ATG10: variants seen among roughly 807,000 people sequenced by gnomAD.
The protein encoded by ATG10 is autophagy related 10.
Under a neutral mutation model 32.1 loss-of-function variants are expected in ATG10, and 30 were observed. The ratio of observed to expected loss-of-function variants is 0.94; its 90% CI spans 0.70 to 1.27. The LOEUF is 1.27. Ranked by LOEUF, ATG10 falls within the 50% of genes most tolerant of loss-of-function variation. The pLI is 0.00. For synonymous variants in ATG10, 87 were observed against 91.5 expected (o/e 0.95, Z 0.28); for missense variants, 233 against 262.3 (o/e 0.89, Z 0.77).
intron 3 of ATG10, among the ~76,000 whole-genome samples, chr5:82,131,633 T>C (rs549823604): frequency 2.2e-5 from 2 of 92,944 alleles, no homozygotes; most frequent in Non-Finnish European, 4.2e-5. Flanking sequence ...ATATGTAGTT[T>C]TATTCTACTT....
At chr5:82,104,685 C>T (rs1765391254) in intron 3 of ATG10, among the ~76,000 whole-genome samples, 1 of 151,974 alleles carries the variant, frequency 6.6e-6, no homozygotes, top group African/African-American at 2.4e-5. Flanking sequence ...TTTTCTTAAA[C>T]ACCATTATTT....
intron 5 of ATG10, among the ~76,000 whole-genome samples, chr5:82,214,617 A>G (rs1745607162): frequency 6.6e-6 from 1 of 152,228 alleles, no homozygotes; most frequent in Non-Finnish European, 1.5e-5. Flanking sequence ...CTACCTGTAT[A>G]TGATTGGGAT....
intron 2 of ATG10, among the ~76,000 whole-genome samples, chr5:82,022,419 C>T (rs1231484733): frequency 1.3e-5 from 2 of 150,250 alleles, no homozygotes; most frequent in Non-Finnish European, 3.0e-5. Context: ...GCCTCCACCT[C>T]CCAGGTTCAA....
At chr5:81,992,418 T>C (rs934505137) in intron 2 of ATG10, 2 of 151,998 alleles carry the variant, frequency 1.3e-5, no homozygotes, top group Non-Finnish European at 2.9e-5. Context: ...TAAATTTTTT[T>C]TTTTTGAGAC....
intron 5 of ATG10, among the ~76,000 whole-genome samples, chr5:82,179,601 G>A (rs549184581): frequency 6.6e-6 from 1 of 152,196 alleles, no homozygotes; most frequent in South Asian, 2.1e-4. Context: ...AGTCATTACT[G>A]CCTTGCTAAA....
At chr5:82,012,854 C>T (rs1762164439) in intron 2 of ATG10, among the ~76,000 whole-genome samples, 1 of 152,054 alleles carries the variant, frequency 6.6e-6, no homozygotes, top group African/African-American at 2.4e-5. Context: ...GACAGGGTTT[C>T]ACCATGATGG....
At chr5:82,164,376 GT>G in intron 3 of ATG10, 22 bp from the exon 4 acceptor site, 1 of 1,610,836 alleles carries the variant, frequency 6.2e-7, no homozygotes, top group Non-Finnish European at 8.5e-7. Context: ...ACCCGTTTTC[GT>G]TTTGTTTTTG....
intron 3 of ATG10, among the ~76,000 whole-genome samples, chr5:82,092,999 C>T (rs185594521): frequency 1.5e-4 from 23 of 152,224 alleles, no homozygotes; most frequent in African/African-American, 4.6e-4. Context: ...CTCAAGATCC[C>T]GATAAATTAG....
At chr5:81,981,704 A>G (rs1761052299) in intron 1 of ATG10, among the ~76,000 whole-genome samples, 1 of 152,356 alleles carries the variant, frequency 6.6e-6, no homozygotes, top group East Asian at 1.9e-4. Flanking sequence ...TATTTCTTAT[A>G]GTGTTTTAGT....
intron 3 of ATG10, among the ~76,000 whole-genome samples, chr5:82,120,949 G>C (rs1766017625): frequency 6.6e-6 from 1 of 152,110 alleles, no homozygotes; most frequent in Admixed American, 6.5e-5. Context: ...GCATTTATTT[G>C]AAAATCCTTT....
At position 81,993,370 on chromosome 5, in the gene ATG10, T is replaced by TTCC. The variant is rs1554039352; in HGVS notation, c.108+5693_108+5694insCCT. Reference sequence around the variant, plus strand: ...TTCTTTCTTTCTTTCCTTCTTTTCTTTTCTTTTCTTTTCTTTTCTTTTTTT... The same window carrying TTCC: ...TTCTTTCTTTCTTTCCTTCTTTTCTTTCCTTCTTTTCTTTTCTTTTCTTTTTTT... On this transcript the variant is annotated intron_variant, in intron 2 of 7. Coordinates refer to ENST00000282185, the MANE Select transcript of ATG10 (RefSeq NM_031482.5). 4.8e-3 allele frequency among the ~76,000 whole-genome samples: 155 copies of TTCC among 32,364 alleles called. 4 individuals are homozygous for TTCC. Among genetic ancestry groups the TTCC allele is most frequent in the Non-Finnish European group, 6.2e-3 (107 of 17,192 alleles). 21.2% of individuals were successfully genotyped at this position (32,364 alleles called of 152,430 possible). A position where few individuals can be genotyped will look rare whatever the true frequency, so the allele number is the denominator to read the frequency against.
At chr5:82,149,883 G>A (rs1038235252) in intron 3 of ATG10, among the ~76,000 whole-genome samples, 3 of 152,084 alleles carry the variant, frequency 2.0e-5, no homozygotes, top group African/African-American at 7.2e-5. Flanking sequence ...GTCAGATTTC[G>A]TCATGTTGGG....
At position 82,255,634 on chromosome 5, in the gene ATG10, G is replaced by A. The variant is rs1747435673; in HGVS notation, c.*1571G>A. Reference sequence around the variant, plus strand: ...CTGGATATACCTTTATTGTGACATTGATTTGTATTGTTTTGCTCTACTGAC... The same window carrying A: ...CTGGATATACCTTTATTGTGACATTAATTTGTATTGTTTTGCTCTACTGAC... On this transcript the variant is annotated 3_prime_UTR_variant, in exon 8 of 8. Transcript: ENST00000282185. 6.6e-6 allele frequency: 1 copy of A among 152,176 alleles called. No individual in the cohort carries two copies. 9.4% of individuals were successfully genotyped at this position (152,176 alleles called of 1,614,324 possible). A position where few individuals can be genotyped will look rare whatever the true frequency, so the allele number is the denominator to read the frequency against.
chr5:82,190,401 C>G (rs565164168), intron 5 of ATG10, among the ~76,000 whole-genome samples: 3 of 151,714 alleles, frequency 2.0e-5, no homozygotes, highest in Non-Finnish European at 4.4e-5. Flanking sequence ...ACTATGCACC[C>G]TTTTATTTTG....
At position 82,047,652 on chromosome 5, in the gene ATG10, C is replaced by T. The variant is rs1035304581; in HGVS notation, c.109-10843C>T. On this transcript the variant is annotated intron_variant, in intron 2 of 7. Transcript: ENST00000282185. ...GGCTAATTTTTTCTGCCACTTATTC[C>T]TCGGGGCCTCTGTCCTTGCTGTGCT... 3.9e-4 allele frequency among the ~76,000 whole-genome samples: 60 copies of T among 152,200 alleles called. 1 individual carries two copies. The highest frequency in any genetic ancestry group is 3.4e-3 in the Middle Eastern group (1 of 294).
At chr5:82,104,604 G>A (rs377319854) in intron 3 of ATG10, among the ~76,000 whole-genome samples, 3 of 152,030 alleles carry the variant, frequency 2.0e-5, no homozygotes, top group African/African-American at 7.2e-5. Flanking sequence ...ACTGGTTTTG[G>A]TTGTCATATT....
intron 1 of ATG10, among the ~76,000 whole-genome samples, chr5:81,984,487 C>T (rs1761196946): frequency 6.6e-6 from 1 of 152,196 alleles, no homozygotes; most frequent in Admixed American, 6.5e-5. Flanking sequence ...TGAAATTCAT[C>T]TTTTTACTGA....
intron 3 of ATG10, among the ~76,000 whole-genome samples, chr5:82,128,002 T>C (rs1004978357): frequency 1.3e-5 from 2 of 152,168 alleles, no homozygotes; most frequent in African/African-American, 4.8e-5. Context: ...GTGTTAGCTC[T>C]TCTTGTTGCA....
At chr5:82,107,502 T>A (rs1003933077) in intron 3 of ATG10, among the ~76,000 whole-genome samples, 1 of 152,134 alleles carries the variant, frequency 6.6e-6, no homozygotes, top group African/African-American at 2.4e-5. Context: ...AAACAATATT[T>A]TTGTTTACCT....
Sources: gnomAD v4.1 joint callset for allele counts (sites outside exome capture counted in the v4.1 genomes callset) on GRCh38, gnomAD v4.1.1 for gene constraint, MANE v1.5 for transcripts, NCBI Gene and HGNC (gene_info 2026-07-23, HGNC 2026-07-21) for gene names.